The following RPS6KA1 variants were observed in gnomAD, a reference collection of about 807,000 sequenced individuals.
RPS6KA1 encodes the protein ribosomal protein S6 kinase A1.
In RPS6KA1, 48 loss-of-function variants were observed where a neutral mutation model predicts 91.3. The observed-to-expected ratio is 0.53, with a 90% confidence interval of 0.42 to 0.67. The LOEUF (loss-of-function observed/expected upper bound fraction) is 0.67, where lower values mean the gene tolerates loss of function less well. Ranked by LOEUF, RPS6KA1 falls within the 30% of genes least tolerant of loss-of-function variation. The probability of loss-of-function intolerance (pLI) is 0.00; values close to 1 mark genes in which losing one functional copy is unlikely to be tolerated. For missense variants in RPS6KA1, 719 were observed against 960.5 expected (o/e 0.75, Z 3.32); for synonymous variants, 359 against 384.7 (o/e 0.93, Z 0.78).
chr1:26,561,665 T>A lies in RPS6KA1; in HGVS notation c.1590+2T>A. 6.3e-7 allele frequency: 1 copy of A among 1,595,144 alleles called. No individual in the cohort carries two copies. The highest frequency in any genetic ancestry group is 8.6e-7 in the Non-Finnish European group (1 of 1,168,786). ...GTGGAGTATCTGCACTCACAGGGGG[T>A]GAGTCTGGATTCGGGGAGGCAGTAG... On this transcript the variant is annotated splice_donor_variant, in intron 17 of 21. Coordinates refer to ENST00000374168, the MANE Select transcript of RPS6KA1 (RefSeq NM_002953.4). LOFTEE classifies it high-confidence loss of function. This position sits in a 1 kb window ranked among gnomAD's most constrained non-coding sequence, Gnocchi z 5.7.
In RPS6KA1 at chr1:26,544,264, T is replaced by C. The variant is rs185841040; in HGVS notation, c.109-2603T>C. Reference sequence around the variant, plus strand: ...CTGTCTGTGGTTGGGTTCCAATCTCTGTCTCCACTTGATAAGTGCCTGACT... The same window carrying C: ...CTGTCTGTGGTTGGGTTCCAATCTCCGTCTCCACTTGATAAGTGCCTGACT... On this transcript the variant is annotated intron_variant, in intron 2 of 21. Coordinates refer to ENST00000374168, the MANE Select transcript of RPS6KA1 (RefSeq NM_002953.4). 62 of 453,514 alleles carry C rather than the reference T, an allele frequency of 1.4e-4. No homozygotes were observed. The East Asian group carries it at 3.8e-3, about 28-fold the overall frequency. 28.1% of individuals were successfully genotyped at this position (453,514 alleles called of 1,614,324 possible). A position where few individuals can be genotyped will look rare whatever the true frequency, so the allele number is the denominator to read the frequency against.
intron 2 of RPS6KA1, 54 bp downstream of exon 2, chr1:26,537,023 A>G (rs1345610976): frequency 2.4e-5 from 39 of 1,597,918 alleles, no homozygotes; most frequent in Non-Finnish European, 3.3e-5. Context: ...TCCTGTTTGC[A>G]TGGCTTTGGA....
chr1:26,565,647 T>G (rs1434904191), intron 17 of RPS6KA1, among the ~76,000 whole-genome samples: 1 of 152,004 alleles, frequency 6.6e-6, no homozygotes, highest in African/African-American at 2.4e-5. Flanking sequence ...CTGCAACCTC[T>G]GCCTCCCAGG....
intron 2 of RPS6KA1, chr1:26,543,302 C>T (rs1222440035): frequency 1.8e-6 from 2 of 1,084,006 alleles, no homozygotes; most frequent in East Asian, 5.2e-5. Context: ...GGCTCTGTCC[C>T]TTGGGATTTC....
At chr1:26,542,048 A>G (rs1388367958) in intron 2 of RPS6KA1, among the ~76,000 whole-genome samples, 2 of 152,202 alleles carry the variant, frequency 1.3e-5, no homozygotes, top group Non-Finnish European at 2.9e-5. Context: ...GCCTTCAGCA[A>G]AGGCAGTTCT....
rs1267511179 is a variant in RPS6KA1 at position 26,558,063 on chromosome 1, A to C, written c.1085-744A>C. Among the ~76,000 whole-genome samples, 2 of 151,952 alleles carry C rather than the reference A, an allele frequency of 1.3e-5. No individual in the cohort carries two copies. Among genetic ancestry groups the C allele is most frequent in the Admixed American group, 6.6e-5 (1 of 15,240 alleles). On this transcript the variant is annotated intron_variant, in intron 13 of 21. Transcript: ENST00000374168. The surrounding 1 kb of genome is among the most constrained non-coding windows in gnomAD (Gnocchi z 4.0). The stretch of plus-strand genomic sequence containing the variant: ...AGGCTGGTCTCGAACTCCTGACCTC[A>C]GGTGATCCACAAGGGGGTGCTTTTC...
chr1:26,558,259 G>A lies in RPS6KA1; in HGVS notation c.1085-548G>A, dbSNP rs894434226. On this transcript the variant is annotated intron_variant, in intron 13 of 21. Coordinates refer to ENST00000374168, the MANE Select transcript of RPS6KA1 (RefSeq NM_002953.4). This position sits in a 1 kb window ranked among gnomAD's most constrained non-coding sequence, Gnocchi z 4.0. Reference sequence around the variant, plus strand: ...GAGTCTTGAAGGATAGGCAAGGAGTGGATTATCTAGTTAAAGGGAACAGTG... The same window carrying A: ...GAGTCTTGAAGGATAGGCAAGGAGTAGATTATCTAGTTAAAGGGAACAGTG... Among the ~76,000 whole-genome samples the A allele has an allele frequency of 5.3e-5, 8 of 152,102 alleles. No homozygotes were observed. The highest frequency in any genetic ancestry group is 1.9e-4 in the African/African-American group (8 of 41,410).
intron 1 of RPS6KA1, 79 bp downstream of exon 1, chr1:26,530,062 C>G: frequency 1.3e-5 from 13 of 1,038,694 alleles, no homozygotes; most frequent in Non-Finnish European, 1.6e-5. Flanking sequence ...CCCGAAGCGC[C>G]GCTGCAGTCC....
rs1488883243 is a variant in RPS6KA1, at chr1:26,571,009, G to C, written c.1591-440G>C. On this transcript the variant is annotated intron_variant, in intron 17 of 21. Coordinates refer to ENST00000374168, the MANE Select transcript of RPS6KA1 (RefSeq NM_002953.4). This position sits in a 1 kb window ranked among gnomAD's most constrained non-coding sequence, Gnocchi z 5.1. ...ATGGCGGCGGGTGCCTGTAATCCCA[G>C]CTACTTGGGAGCTGAGGCAGGAGAA... is the stretch of plus-strand genomic sequence containing the variant. 1.5e-5 allele frequency among the ~76,000 whole-genome samples: 2 copies of C among 130,896 alleles called. No homozygotes were observed. Among genetic ancestry groups the C allele is most frequent in the Non-Finnish European group, 3.2e-5 (2 of 63,082 alleles). The allele number at this position is 130,896 out of a possible 152,430, so 85.9% of individuals were successfully genotyped here.
chr1:26,543,877 T>C (rs1404117869), intron 2 of RPS6KA1, among the ~76,000 whole-genome samples: 1 of 152,142 alleles, frequency 6.6e-6, no homozygotes, highest in Non-Finnish European at 1.5e-5. Flanking sequence ...TAGGATATGA[T>C]CAGAGTCAAA....
At chr1:26,559,048 C>G (rs2076131091) in intron 14 of RPS6KA1, 111 bp downstream of exon 14, 2 of 1,312,192 alleles carry the variant, frequency 1.5e-6, no homozygotes, top group African/African-American at 1.5e-5. Flanking sequence ...ACTGTGGGAC[C>G]AGTAGGGCCT....
chr1:26,563,774 C>T (rs1306191494), intron 17 of RPS6KA1, among the ~76,000 whole-genome samples: 1 of 152,166 alleles, frequency 6.6e-6, no homozygotes. Context: ...CTGCAAGTTG[C>T]TCTAACATCA....
chr1:26,536,881 G>C (rs558356835), intron 1 of RPS6KA1, 44 bp from the exon 2 acceptor site: 1 of 1,609,736 alleles, frequency 6.2e-7, no homozygotes, highest in Admixed American at 1.7e-5. Flanking sequence ...TCCCAAGCGT[G>C]TAAGTTCTGA....
intron 2 of RPS6KA1, chr1:26,544,098 T>G (rs750153430): frequency 5.0e-5 from 23 of 456,202 alleles, no homozygotes; most frequent in South Asian, 3.6e-4. Flanking sequence ...AACCCACAGC[T>G]CTGCCCTTAA....
rs915672861 is a variant in RPS6KA1, at chr1:26,551,909, T to C, written c.468+186T>C. 6.6e-6 allele frequency among the ~76,000 whole-genome samples: 1 copy of C among 152,138 alleles called. No homozygotes were observed. Among genetic ancestry groups the C allele is most frequent in the Admixed American group, 6.5e-5 (1 of 15,280 alleles). On this transcript the variant is annotated intron_variant, in intron 6 of 21. Transcript: ENST00000374168. This position sits in a 1 kb window ranked among gnomAD's most constrained non-coding sequence, Gnocchi z 4.5. Reference sequence around the variant, plus strand: ...GAATGGAGGCCATACGCTGGCAAGGTCTCTGAGAGTTTCTCCCAAGGAAAC... The same window carrying C: ...GAATGGAGGCCATACGCTGGCAAGGCCTCTGAGAGTTTCTCCCAAGGAAAC...
In RPS6KA1 at chr1:26,572,175, G is replaced by T; in HGVS notation, c.1830-1G>T. The T allele has an allele frequency of 6.2e-7, 1 of 1,613,254 alleles. No homozygotes were observed. The highest frequency in any genetic ancestry group is 8.5e-7 in the Non-Finnish European group (1 of 1,179,278). ...CCCAGACCGTGCGGGCTTTTCTGCA[G>T]ATATACTCCATTTGCCAACGGTCCC... On this transcript the variant is annotated splice_acceptor_variant, in intron 19 of 21. Coordinates refer to ENST00000374168, the MANE Select transcript of RPS6KA1 (RefSeq NM_002953.4). LOFTEE classifies it high-confidence loss of function.
intron 2 of RPS6KA1, among the ~76,000 whole-genome samples, chr1:26,544,927 C>G (rs1232491129): frequency 5.3e-5 from 8 of 152,158 alleles, no homozygotes; most frequent in Non-Finnish European, 1.0e-4. Context: ...CCATCTGTCT[C>G]TGGCTGTTGG....
At chr1:26,553,596 G>A (rs555744522) in intron 7 of RPS6KA1, 99 bp downstream of exon 7, 56 of 692,674 alleles carry the variant, frequency 8.1e-5, no homozygotes, top group South Asian at 6.3e-4. Context: ...CTCCAGAAAC[G>A]TCTCCCTCTC....
Position 26,529,809 on chromosome 1 carries a change from G to C in RPS6KA1, c.-112G>C, listed in dbSNP as rs966240173. The stretch of plus-strand genomic sequence containing the variant: ...GCGGCGGACGGCCCAGCCGGAGCGC[G>C]AGGGGCTCGGGGGGGCGCGGCGGTT... On this transcript the variant is annotated 5_prime_UTR_variant, in exon 1 of 22. Transcript: ENST00000374168. This position sits in a 1 kb window ranked among gnomAD's most constrained non-coding sequence, Gnocchi z 4.2. 1 of 766,982 alleles carries C rather than the reference G, an allele frequency of 1.3e-6. No individual in the cohort carries two copies. 47.5% of individuals were successfully genotyped at this position (766,982 alleles called of 1,614,324 possible). A position where few individuals can be genotyped will look rare whatever the true frequency, so the allele number is the denominator to read the frequency against.
Sources: gnomAD v4.1 joint callset for allele counts (sites outside exome capture counted in the v4.1 genomes callset) on GRCh38, gnomAD v4.1.1 for gene constraint, Gnocchi (gnomAD v3.1) non-coding constraint, MANE v1.5 for transcripts, NCBI Gene and HGNC (gene_info 2026-07-23, HGNC 2026-07-21) for gene names.